The following CHD4 variants were observed in gnomAD, a reference collection of about 807,000 sequenced individuals.
The protein encoded by CHD4 is chromodomain helicase DNA binding protein 4.
Under a neutral mutation model 235.5 loss-of-function variants are expected in CHD4, and 35 were observed. The observed-to-expected ratio is 0.15, with a 90% CI of 0.11 to 0.20. The LOEUF (loss-of-function observed/expected upper bound fraction) is 0.20, where lower values mean the gene tolerates loss of function less well. CHD4 is among the 10% of genes least tolerant of loss of function. The probability of loss-of-function intolerance (pLI) is 1.00; values close to 1 mark genes in which losing one functional copy is unlikely to be tolerated. For missense variants in CHD4, 1,329 were observed against 2,432.3 expected, an observed-to-expected ratio of 0.55 and a Z score of 9.54; for synonymous variants, 900 against 850.2, an observed-to-expected ratio of 1.06 and a Z score of -1.02.
intron 22 of CHD4, 148 bp from the exon 23 acceptor site, chr12:6,588,570 G>T (rs1395763413): frequency 2.4e-6 from 2 of 839,662 alleles, no homozygotes; most frequent in Admixed American, 5.6e-5. Flanking sequence ...TTGACATCAG[G>T]AGTTCGAGAC....
Position 6,571,044 on chromosome 12 carries a change from G to C in CHD4, c.5558-12C>G, listed in dbSNP as rs1161813570. The C allele has an allele frequency of 4.3e-6, 7 of 1,613,044 alleles. No individual in the cohort carries two copies. Among genetic ancestry groups the C allele is most frequent in the Non-Finnish European group, 5.9e-6 (7 of 1,179,490 alleles). On this transcript the variant is annotated splice_polypyrimidine_tract_variant and intron_variant, in intron 38 of 39. Transcript: ENST00000544040. ...CAGCTGTTTCAGAACTGCATAGGGAGAAAAAGAGGTGGTGAGCTGTGGTGG... is the reference window on the plus strand; with the variant it reads ...CAGCTGTTTCAGAACTGCATAGGGACAAAAAGAGGTGGTGAGCTGTGGTGG...
chr12:6,593,310 C>T lies in CHD4; in HGVS notation c.2515-82G>A, dbSNP rs1272848039. The T allele has an allele frequency of 6.2e-7, 1 of 1,601,060 alleles. No individual in the cohort carries two copies. The highest frequency in any genetic ancestry group is 1.3e-5 in the African/African-American group (1 of 74,690). ...AGGAGACTGATGGAATGTTTTCCTC[C>T]TCCCAGGGTTACCCTTTTGCCTCAC... On this transcript the variant is annotated intron_variant, in intron 16 of 39. Transcript: ENST00000544040. The surrounding 1 kb of genome is among the most constrained non-coding windows in gnomAD (Gnocchi z 4.9).
chr12:6,583,464 G>T, intron 25 of CHD4, 86 bp from the exon 26 acceptor site: 3 of 1,208,190 alleles, frequency 2.5e-6, no homozygotes, highest in Non-Finnish European at 3.5e-6. Flanking sequence ...CACTCTGCTA[G>T]CTCCTTTTCA....
Position 6,595,383 on chromosome 12 carries a change from T to C in CHD4, c.2072A>G (p.Lys691Arg). The change falls in exon 14 of 40, where the codon AAG becomes AGG. Residue 691 changes from lysine (K) to arginine (R), a missense_variant. By Grantham distance (26) the Lys-to-Arg change is conservative. Around this residue, in one of 26 missense-constraint regions of CHD4, gnomAD observed 121 missense variants for 177.8 expected, o/e 0.68. Transcript: ENST00000544040. Reference sequence around the variant, plus strand: ...CCTCTCCAACTTCCGAAGCTTCACCTTCTTGAGCTTCTTGCCTGGTCGGCC... The same window carrying C: ...CCTCTCCAACTTCCGAAGCTTCACCCTCTTGAGCTTCTTGCCTGGTCGGCC... ...EEGRPGKKLKKVKLRKLERPP... is the reference protein window; with the variant it reads ...EEGRPGKKLKRVKLRKLERPP... 2.5e-6 allele frequency: 4 copies of C among 1,614,124 alleles called. No homozygotes were observed. The highest frequency in any genetic ancestry group is 3.4e-6 in the Non-Finnish European group (4 of 1,180,002).
In CHD4 at chr12:6,577,877, G is replaced by C; in HGVS notation, c.5269C>G (p.Arg1757Gly). 3.7e-6 allele frequency: 6 copies of C among 1,614,194 alleles called. No homozygotes were observed. The highest frequency in any genetic ancestry group is 5.1e-6 in the Non-Finnish European group (6 of 1,180,052). Residue 1757 changes from arginine (R) to glycine (G), a missense_variant, in exon 37 of 40, where the codon CGC (arginine) becomes GGC (glycine). Coordinates refer to ENST00000544040, the MANE Select transcript of CHD4 (RefSeq NM_001273.5). Reference protein sequence around the residue: ...ARWQDIQNDPRYAILNEPFKG... With the variant: ...ARWQDIQNDPGYAILNEPFKG... Reference sequence around the variant, plus strand: ...AAAGGCTCATTGAGGATGGCATAGCGTGGGTCATTCTGGATGTCTTGCCAC... The same window carrying C: ...AAAGGCTCATTGAGGATGGCATAGCCTGGGTCATTCTGGATGTCTTGCCAC...
intron 23 of CHD4, 124 bp from the exon 24 acceptor site, chr12:6,588,073 T>C (rs1013322079): frequency 6.8e-6 from 8 of 1,182,054 alleles, no homozygotes; most frequent in African/African-American, 1.5e-5. Flanking sequence ...CATAGGAAAC[T>C]TCCTTTTGCA....
At position 6,582,875 on chromosome 12, in the gene CHD4, C is replaced by A; in HGVS notation, c.4209G>T (p.Leu1403=). Reference sequence around the variant, plus strand: ...CAATATTCCCACCAACACGGGCCAACAGAGGAGGCAATGGCTTATCTTTAT... The same window carrying A: ...CAATATTCCCACCAACACGGGCCAAAAGAGGAGGCAATGGCTTATCTTTAT... ...RNDKDKPLPP[L]LARVGGNIEV... The change falls in exon 28 of 40, where the codon CTG becomes CTT. Residue 1403 remains leucine (L), a synonymous_variant. Coordinates refer to ENST00000544040, the MANE Select transcript of CHD4 (RefSeq NM_001273.5). 6.2e-7 allele frequency: 1 copy of A among 1,614,006 alleles called. No homozygotes were observed. Among genetic ancestry groups the A allele is most frequent in the Non-Finnish European group, 8.5e-7 (1 of 1,180,038 alleles).
intron 12 of CHD4, among the ~76,000 whole-genome samples, chr12:6,596,486 TAA>T (rs765949049): frequency 2.0e-4 from 22 of 109,236 alleles, no homozygotes; most frequent in Admixed American, 4.0e-4. Flanking sequence ...CCGTCTCTAC[TAA>T]AAAAAAAAAA....
At position 6,601,781 on chromosome 12, in the gene CHD4, A is replaced by G; in HGVS notation, c.439-15T>C. 4.4e-6 allele frequency: 7 copies of G among 1,607,580 alleles called. No individual in the cohort carries two copies. Among genetic ancestry groups the G allele is most frequent in the Non-Finnish European group, 6.0e-6 (7 of 1,174,200 alleles). ...GATTTAGGCTCCTGCAGAAAGAGCA[A>G]AGTCAAGTAAGTACCTGCCACCTAG... On this transcript the variant is annotated splice_polypyrimidine_tract_variant and intron_variant, in intron 4 of 39. Coordinates refer to ENST00000544040, the MANE Select transcript of CHD4 (RefSeq NM_001273.5).
Position 6,595,448 on chromosome 12 carries a change from C to T in CHD4, c.2025-18G>A. The T allele has an allele frequency of 6.2e-7, 1 of 1,606,126 alleles. No homozygotes were observed. The highest frequency in any genetic ancestry group is 8.5e-7 in the Non-Finnish European group (1 of 1,173,300). The stretch of plus-strand genomic sequence containing the variant: ...TTAACTCCCTAAAGAAGAAAGACAT[C>T]ACACAGCTGCCCAAAATCCTTTTCT... On this transcript the variant is annotated intron_variant, in intron 13 of 39. Coordinates refer to ENST00000544040, the MANE Select transcript of CHD4 (RefSeq NM_001273.5).
chr12:6,578,321 A>T, intron 35 of CHD4, 88 bp downstream of exon 35: 1 of 1,484,808 alleles, frequency 6.7e-7, no homozygotes, highest in Non-Finnish European at 9.2e-7. Context: ...AGAGGTAAAG[A>T]GGTAAAGTCC....
chr12:6,578,632 T>A (rs1448880382), intron 34 of CHD4, 86 bp from the exon 35 acceptor site: 2 of 1,585,348 alleles, frequency 1.3e-6, no homozygotes, highest in East Asian at 4.5e-5. Flanking sequence ...GCTACAAGAA[T>A]CCATCCACCT....
rs1395207736 is a variant in CHD4, at chr12:6,596,110, G to A, written c.1920C>T (p.Tyr640=). The A allele has an allele frequency of 2.5e-6, 4 of 1,613,904 alleles. No individual in the cohort carries two copies. Among genetic ancestry groups the A allele is most frequent in the Non-Finnish European group, 3.4e-6 (4 of 1,179,962 alleles). The change falls in exon 13 of 40, where the codon TAC becomes TAT. Residue 640 remains tyrosine (Y), a synonymous_variant. Coordinates refer to ENST00000544040, the MANE Select transcript of CHD4 (RefSeq NM_001273.5). The stretch of plus-strand genomic sequence containing the variant: ...AAGGTAAGTCCCGCCACTTGATCAA[G>A]TAGTGGACGTGGCCCTTCTTGTCCA... ...HSVDKKGHVH[Y]LIKWRDLPYD... is the part of the protein sequence containing the mutation.
intron 15 of CHD4, 136 bp downstream of exon 15, chr12:6,594,323 T>C: frequency 2.9e-6 from 2 of 685,952 alleles, no homozygotes; most frequent in Non-Finnish European, 5.0e-6. Context: ...TGTGTACATG[T>C]GTTTATCTAT....
At chr12:6,576,229 C>T (rs1218794450) in intron 37 of CHD4, among the ~76,000 whole-genome samples, 5 of 152,112 alleles carry the variant, frequency 3.3e-5, no homozygotes, top group Admixed American at 1.3e-4. Flanking sequence ...TGGTGGCACA[C>T]GCCTGTTGTC....
At position 6,578,555 on chromosome 12, in the gene CHD4, T is replaced by C. The variant is rs113849290; in HGVS notation, c.4982-9A>G. On this transcript the variant is annotated splice_polypyrimidine_tract_variant and intron_variant, in intron 34 of 39. Coordinates refer to ENST00000544040, the MANE Select transcript of CHD4 (RefSeq NM_001273.5). ...TTCTTCTTTCTTCTCTTCTACAGAA[T>C]ATGGGGAAGAAAAATGTCAGCTCCA... 6.2e-7 allele frequency: 1 copy of C among 1,609,586 alleles called. No homozygotes were observed. The highest frequency in any genetic ancestry group is 8.5e-7 in the Non-Finnish European group (1 of 1,179,574).
chr12:6,588,053 AG>A, intron 23 of CHD4, 104 bp from the exon 24 acceptor site: 2 of 1,271,292 alleles, frequency 1.6e-6, no homozygotes, highest in South Asian at 2.7e-5. Flanking sequence ...CAAGGTCCAC[AG>A]CCTACATTCA....
intron 37 of CHD4, among the ~76,000 whole-genome samples, chr12:6,576,179 A>G (rs1172037926): frequency 6.6e-6 from 1 of 152,124 alleles, no homozygotes; most frequent in Non-Finnish European, 1.5e-5. Flanking sequence ...CAACATGCTG[A>G]AACCCTGTCT....
chr12:6,579,052 T>G (rs978135287), intron 33 of CHD4, 135 bp from the exon 34 acceptor site: 2 of 747,082 alleles, frequency 2.7e-6, no homozygotes, highest in Admixed American at 2.2e-5. Flanking sequence ...TGGTGGCTCA[T>G]GCCTGTAATC....
Sources: allele counts gnomAD v4.1 joint callset (sites outside exome capture counted in the v4.1 genomes callset), GRCh38; gene constraint gnomAD v4.1.1; regional missense constraint gnomAD v4.1.1; non-coding constraint Gnocchi (gnomAD v3.1); transcripts MANE v1.5; gene names NCBI Gene and HGNC (gene_info 2026-07-23, HGNC 2026-07-21).